Variants in GRIK4 observed in about 807,000 individuals in gnomAD.
GRIK4 encodes glutamate ionotropic receptor kainate type subunit 4.
A neutral mutation model predicts 104.9 loss-of-function variants in GRIK4; 40 were observed. That is an observed-to-expected ratio of 0.38 (90% confidence interval 0.30 to 0.50). The LOEUF (loss-of-function observed/expected upper bound fraction) is 0.50. Among genes scored for constraint, GRIK4 ranks in the 20% least tolerant of loss-of-function variants. The pLI is 0.93. For synonymous variants in GRIK4, 485 were observed against 524.9 expected (o/e 0.92, Z 1.04); for missense variants, 1,047 against 1,308.1 (o/e 0.80, Z 3.08).
chr11:120,550,120 GGGA>G (rs1362754574), intron 1 of GRIK4, among the ~76,000 whole-genome samples: 1 of 152,030 alleles, frequency 6.6e-6, no homozygotes, highest in Non-Finnish European at 1.5e-5. Flanking sequence ...GAGTGGGAGT[GGGA>G]GGCTATTCAG....
chr11:120,875,596 CTG>C (rs1954762989), intron 11 of GRIK4, among the ~76,000 whole-genome samples: 1 of 152,148 alleles, frequency 6.6e-6, no homozygotes, highest in Admixed American at 6.5e-5. Context: ...AAGGCAGAGA[CTG>C]TATCACATGT....
At position 120,722,156 on chromosome 11, in the gene GRIK4, G is replaced by C. The variant is rs116078197; in HGVS notation, c.82+61756G>C. Among the ~76,000 whole-genome samples, 975 of 152,320 alleles carry C rather than the reference G, an allele frequency of 6.4e-3. 6 individuals carry two copies. The highest frequency in any genetic ancestry group is 0.022 in the African/African-American group (925 of 41,572). On this transcript the variant is annotated intron_variant, in intron 3 of 20. Transcript: ENST00000527524. ...TCTGTAGTGGGTGCTGAGCAAGCCA[G>C]CACACAAAGGGTGTGGATCCCTCAT...
Position 120,861,982 on chromosome 11 carries a change from C to T in GRIK4, c.768C>T (p.Asp256=). 1 of 1,613,622 alleles carries T rather than the reference C, an allele frequency of 6.2e-7. No individual in the cohort carries two copies. The highest frequency in any genetic ancestry group is 8.5e-7 in the Non-Finnish European group (1 of 1,179,520). ...AGGAGTTCTCACTCCAGAGAATGGA[C>T]AGCCTTGTGGATGATCGTGTCAACA... The part of the protein sequence containing the change: ...TNLEFSLQRM[D]SLVDDRVNIL... Residue 256 remains aspartate (D), a synonymous_variant, in exon 9 of 21, where the codon GAC becomes GAT. Transcript: ENST00000527524.
At chr11:120,890,599 C>T (rs1423632934) in intron 11 of GRIK4, among the ~76,000 whole-genome samples, 1 of 152,180 alleles carries the variant, frequency 6.6e-6, no homozygotes, top group African/African-American at 2.4e-5. Context: ...ACTGTGTGAC[C>T]CTCAGCAAGT....
chr11:120,613,841 G>C (rs904331867), intron 1 of GRIK4, among the ~76,000 whole-genome samples: 1 of 152,186 alleles, frequency 6.6e-6, no homozygotes, highest in Non-Finnish European at 1.5e-5. Context: ...ACTGTCTCAG[G>C]GTGCTGAGGC....
rs72064502 is a variant in GRIK4 at position 120,957,591 on chromosome 11, ATGTGTGTGTGTGTGTG to A, written c.1874+658_1874+673del. Among the ~76,000 whole-genome samples, 7 of 136,434 alleles carry A rather than the reference ATGTGTGTGTGTGTGTG, an allele frequency of 5.1e-5. No individual in the cohort carries two copies. The East Asian group carries it at 1.3e-3, about 25-fold the overall frequency. 89.5% of individuals were successfully genotyped at this position (136,434 alleles called of 152,430 possible). A position where few individuals can be genotyped will look rare whatever the true frequency, so the allele number is the denominator to read the frequency against. On this transcript the variant is annotated intron_variant, in intron 16 of 20. Coordinates refer to ENST00000527524, the MANE Select transcript of GRIK4 (RefSeq NM_014619.5). ...TGGGGGCAAAGGAAAGACAAAACAA[ATGTGTGTGTGTGTGTG>A]TGTGTGTGTGTGTGTGTGTAGCCTA... is the stretch of plus-strand genomic sequence containing the variant.
intron 1 of GRIK4, among the ~76,000 whole-genome samples, chr11:120,547,411 C>A (rs781719731): frequency 6.6e-6 from 1 of 152,184 alleles, no homozygotes; most frequent in Non-Finnish European, 1.5e-5. Flanking sequence ...GAGTGAATAG[C>A]GTGGTGAGAT....
intron 3 of GRIK4, among the ~76,000 whole-genome samples, chr11:120,789,101 A>C (rs1459446356): frequency 1.3e-5 from 2 of 151,930 alleles, no homozygotes; most frequent in Non-Finnish European, 2.9e-5. Context: ...CCTGTTACTC[A>C]CCATCCTATG....
At chr11:120,750,184 AAG>A (rs767912529) in intron 3 of GRIK4, among the ~76,000 whole-genome samples, 50 of 152,094 alleles carry the variant, frequency 3.3e-4, no homozygotes, top group Non-Finnish European at 5.9e-4. Context: ...GCAACCCTGA[AAG>A]AGGGGGTGTT....
At chr11:120,936,313 C>A in intron 13 of GRIK4, 1 of 513,086 alleles carries the variant, frequency 1.9e-6, no homozygotes, top group South Asian at 1.4e-5. Flanking sequence ...CCAGGATGTT[C>A]TCCTTTGATG....
intron 3 of GRIK4, among the ~76,000 whole-genome samples, chr11:120,798,371 A>G (rs1391791236): frequency 6.6e-6 from 1 of 151,642 alleles, no homozygotes; most frequent in South Asian, 2.1e-4. Context: ...CTTAGCCAGG[A>G]TGGTCTCAAA....
chr11:120,886,439 C>T (rs1955121675), intron 11 of GRIK4, among the ~76,000 whole-genome samples: 1 of 152,194 alleles, frequency 6.6e-6, no homozygotes, highest in South Asian at 2.1e-4. Context: ...AGGTAAGCTG[C>T]ATTCTGGCTG....
At chr11:120,688,749 T>G (rs1278659375) in intron 3 of GRIK4, among the ~76,000 whole-genome samples, 2 of 152,182 alleles carry the variant, frequency 1.3e-5, no homozygotes, top group Non-Finnish European at 2.9e-5. Context: ...TAGTCAAGGA[T>G]GCTTTACATT....
chr11:120,749,647 C>A (rs1166025205), intron 3 of GRIK4, among the ~76,000 whole-genome samples: 1 of 152,156 alleles, frequency 6.6e-6, no homozygotes, highest in East Asian at 1.9e-4. Flanking sequence ...ATGAGCACAG[C>A]CTCTGAGAGG....
chr11:120,776,014 C>G (rs1952034485), intron 3 of GRIK4, among the ~76,000 whole-genome samples: 2 of 152,230 alleles, frequency 1.3e-5, no homozygotes, highest in African/African-American at 4.8e-5. Context: ...AGGCATCTCT[C>G]AGTTTGACTA....
At chr11:120,615,042 A>G (rs2135153877) in intron 1 of GRIK4, among the ~76,000 whole-genome samples, 1 of 151,958 alleles carries the variant, frequency 6.6e-6, no homozygotes, top group African/African-American at 2.4e-5. Flanking sequence ...ACAAACAAAA[A>G]CCGTAAGCAA....
chr11:120,594,269 G>A (rs1948772539), intron 1 of GRIK4, among the ~76,000 whole-genome samples: 1 of 152,152 alleles, frequency 6.6e-6, no homozygotes, highest in Non-Finnish European at 1.5e-5. Context: ...CTTGAACCTA[G>A]GAGTTGAAGA....
At chr11:120,660,451 C>T in intron 3 of GRIK4, 51 bp downstream of exon 3, 5 of 1,359,376 alleles carry the variant, frequency 3.7e-6, no homozygotes, top group Non-Finnish European at 5.2e-6. Context: ...TCCCAGGTGT[C>T]CACAAGGGAC....
chr11:120,573,901 C>T (rs1041542107), intron 1 of GRIK4, among the ~76,000 whole-genome samples: 2 of 152,214 alleles, frequency 1.3e-5, no homozygotes, highest in African/African-American at 4.8e-5. Flanking sequence ...CTGAGCTTGG[C>T]TGCAGCAAGG....
Sources: allele counts gnomAD v4.1 joint callset (sites outside exome capture counted in the v4.1 genomes callset), GRCh38; gene constraint gnomAD v4.1.1; transcripts MANE v1.5; gene names NCBI Gene and HGNC (gene_info 2026-07-23, HGNC 2026-07-21).